Variants in PARD3B observed in about 807,000 individuals in gnomAD.
PARD3B encodes partitioning defective 3 homolog B.
Under a neutral mutation model 130.2 loss-of-function variants are expected in PARD3B, and 103 were observed. The ratio of observed to expected loss-of-function variants is 0.79; its 90% CI spans 0.67 to 0.93. The LOEUF (loss-of-function observed/expected upper bound fraction) is 0.93, where lower values mean the gene tolerates loss of function less well. Ranked by LOEUF, PARD3B falls within the 40% of genes least tolerant of loss-of-function variation. The probability of loss-of-function intolerance (pLI) is 0.00; values close to 1 mark genes in which losing one functional copy is unlikely to be tolerated. For missense variants in PARD3B, 1,609 were observed against 1,499.2 expected (o/e 1.07, Z -1.21); for synonymous variants, 583 against 553.2 (o/e 1.05, Z -0.76).
intron 21 of PARD3B, among the ~76,000 whole-genome samples, chr2:205,545,898 C>T (rs563702473): frequency 1.1e-3 from 175 of 152,242 alleles, no homozygotes; most frequent in African/African-American, 4.0e-3. Flanking sequence ...GTTAAATGGC[C>T]TCTTTAGGAT....
intron 15 of PARD3B, among the ~76,000 whole-genome samples, chr2:205,240,495 G>A (rs1032710477): frequency 6.6e-6 from 1 of 152,142 alleles, no homozygotes; most frequent in Non-Finnish European, 1.5e-5. Flanking sequence ...TCATATTTTA[G>A]AGTGGTACTT....
chr2:205,159,312 A>C (rs564500489), intron 11 of PARD3B, among the ~76,000 whole-genome samples: 1 of 152,346 alleles, frequency 6.6e-6, no homozygotes, highest in East Asian at 1.9e-4. Context: ...GTGGAGCCTG[A>C]GAGTGATTGT....
intron 20 of PARD3B, among the ~76,000 whole-genome samples, chr2:205,497,349 G>C (rs891500865): frequency 2.0e-5 from 3 of 151,658 alleles, no homozygotes; most frequent in Non-Finnish European, 2.9e-5. Flanking sequence ...ACAAGACAGA[G>C]GTACATCATC....
intron 15 of PARD3B, among the ~76,000 whole-genome samples, chr2:205,237,250 C>G (rs766880232): frequency 6.6e-6 from 1 of 152,092 alleles, no homozygotes; most frequent in Non-Finnish European, 1.5e-5. Context: ...CAGGCCTGTA[C>G]CACCACGCCA....
intron 2 of PARD3B, among the ~76,000 whole-genome samples, chr2:204,745,305 G>C (rs1470578113): frequency 6.6e-6 from 1 of 151,972 alleles, no homozygotes; most frequent in Non-Finnish European, 1.5e-5. Context: ...GATAATAATA[G>C]CTAACTTTCT....
At chr2:204,956,516 T>TTTG (rs1690251344) in intron 2 of PARD3B, among the ~76,000 whole-genome samples, 1 of 148,126 alleles carries the variant, frequency 6.8e-6, no homozygotes, top group African/African-American at 2.5e-5. Flanking sequence ...GAAAAACTAC[T>TTTG]TGTGTGTGTG....
At chr2:205,089,131 CT>C (rs544161664) in intron 4 of PARD3B, among the ~76,000 whole-genome samples, 9 of 140,316 alleles carry the variant, frequency 6.4e-5, no homozygotes, top group South Asian at 2.4e-4. Flanking sequence ...TGGGCACTCT[CT>C]TTTTTTTTTC....
chr2:204,697,596 A>G (rs2125268358), intron 2 of PARD3B, among the ~76,000 whole-genome samples: 1 of 152,084 alleles, frequency 6.6e-6, no homozygotes, highest in South Asian at 2.1e-4. Context: ...TTGATTAGAG[A>G]CTTCTAAAGG....
In PARD3B at chr2:205,584,642, C is replaced by T. The variant is rs1405624112; in HGVS notation, c.3261-30814C>T. On this transcript the variant is annotated intron_variant, in intron 22 of 22. Coordinates refer to ENST00000406610, the MANE Select transcript of PARD3B (RefSeq NM_001302769.2). This position sits in a 1 kb window ranked among gnomAD's most constrained non-coding sequence, Gnocchi z 5.5. ...GCAGTGAGCCAAGATTGCACCACTGCACTGTAGCCTGGGCAACAGAGCAAA... is the reference window on the plus strand; with the variant it reads ...GCAGTGAGCCAAGATTGCACCACTGTACTGTAGCCTGGGCAACAGAGCAAA... Among the ~76,000 whole-genome samples the T allele has an allele frequency of 6.6e-6, 1 of 152,050 alleles. No homozygotes were observed. The highest frequency in any genetic ancestry group is 1.9e-4 in the East Asian group (1 of 5,180).
At chr2:204,933,641 G>A (rs556698419) in intron 2 of PARD3B, among the ~76,000 whole-genome samples, 3 of 152,252 alleles carry the variant, frequency 2.0e-5, no homozygotes, top group African/African-American at 7.2e-5. Flanking sequence ...AAACCACTGT[G>A]CTTTATTGCA....
intron 4 of PARD3B, among the ~76,000 whole-genome samples, chr2:205,103,507 C>G (rs570929598): frequency 3.3e-5 from 5 of 152,066 alleles, no homozygotes; most frequent in African/African-American, 1.2e-4. Context: ...GTCTTTCTTA[C>G]TCTGTTGGAA....
chr2:204,982,291 A>G (rs962330718), intron 3 of PARD3B, among the ~76,000 whole-genome samples: 3 of 152,176 alleles, frequency 2.0e-5, no homozygotes, highest in Non-Finnish European at 4.4e-5. Flanking sequence ...AGTGCTTATT[A>G]TTGATGAGGA....
chr2:205,055,691 C>T (rs1404081273), intron 4 of PARD3B, among the ~76,000 whole-genome samples: 1 of 152,100 alleles, frequency 6.6e-6, no homozygotes, highest in East Asian at 1.9e-4. Flanking sequence ...AAACTAGTGA[C>T]TTCAAGATTC....
At chr2:205,427,112 T>C (rs1384076441) in intron 19 of PARD3B, among the ~76,000 whole-genome samples, 2 of 152,200 alleles carry the variant, frequency 1.3e-5, no homozygotes, top group Non-Finnish European at 2.9e-5. Context: ...AGTTCGACAA[T>C]GCACTCTGTT....
At chr2:205,185,227 G>A (rs1489190519) in intron 13 of PARD3B, among the ~76,000 whole-genome samples, 1 of 150,382 alleles carries the variant, frequency 6.6e-6, no homozygotes, top group Non-Finnish European at 1.5e-5. Context: ...CTCCATTATG[G>A]CACAGATAGA....
At chr2:205,009,800 A>G (rs1559352721) in intron 3 of PARD3B, among the ~76,000 whole-genome samples, 1 of 152,098 alleles carries the variant, frequency 6.6e-6, no homozygotes, top group Non-Finnish European at 1.5e-5. Context: ...GACTTTTCCT[A>G]TGACAAGTAC....
At position 205,571,445 on chromosome 2, in the gene PARD3B, G is replaced by T. The variant is rs190573308; in HGVS notation, c.3260+18042G>T. On this transcript the variant is annotated intron_variant, in intron 22 of 22. Coordinates refer to ENST00000406610, the MANE Select transcript of PARD3B (RefSeq NM_001302769.2). Reference sequence around the variant, plus strand: ...TCTTACTTAAGAAGTCAAGAAGGCCGGGGGTCAAGCCGTCAGGCCACGGAG... The same window carrying T: ...TCTTACTTAAGAAGTCAAGAAGGCCTGGGGTCAAGCCGTCAGGCCACGGAG... Among the ~76,000 whole-genome samples the T allele has an allele frequency of 4.0e-3, 609 of 152,318 alleles. 2 individuals are homozygous for T. The highest frequency in any genetic ancestry group is 0.014 in the African/African-American group (582 of 41,578).
intron 1 of PARD3B, among the ~76,000 whole-genome samples, chr2:204,667,055 C>T (rs2125195869): frequency 6.6e-6 from 1 of 152,248 alleles, no homozygotes; most frequent in East Asian, 1.9e-4. Flanking sequence ...TCCGGATACC[C>T]ATCTGGGAGA....
chr2:205,011,455 G>C lies in PARD3B; in HGVS notation c.395-36126G>C, dbSNP rs1221001178. 6.6e-6 allele frequency among the ~76,000 whole-genome samples: 1 copy of C among 152,050 alleles called. No individual in the cohort carries two copies. Among genetic ancestry groups the C allele is most frequent in the Admixed American group, 6.6e-5 (1 of 15,258 alleles). On this transcript the variant is annotated intron_variant, in intron 3 of 22. Transcript: ENST00000406610. The surrounding 1 kb of genome is among the most constrained non-coding windows in gnomAD (Gnocchi z 4.1). Reference sequence around the variant, plus strand: ...AGTGACTCGAGAGAGAAATTAAGAGGGGCATGCTCTAAAGACAGAAGTGCA... The same window carrying C: ...AGTGACTCGAGAGAGAAATTAAGAGCGGCATGCTCTAAAGACAGAAGTGCA...
Sources: allele counts gnomAD v4.1 joint callset (sites outside exome capture counted in the v4.1 genomes callset), GRCh38; gene constraint gnomAD v4.1.1; non-coding constraint Gnocchi (gnomAD v3.1); transcripts MANE v1.5; gene names NCBI Gene and HGNC (gene_info 2026-07-23, HGNC 2026-07-21).